Variants in ZSCAN5A observed in about 807,000 individuals in gnomAD.
ZSCAN5A encodes the protein zinc finger and SCAN domain-containing protein 5A.
In ZSCAN5A, 12 loss-of-function variants were observed where a neutral mutation model predicts 23.7. The observed-to-expected ratio is 0.51, with a 90% CI of 0.32 to 0.82. The LOEUF is 0.82. Among genes scored for constraint, ZSCAN5A ranks in the 40% least tolerant of loss-of-function variants. The probability of loss-of-function intolerance (pLI) is 0.03; values close to 1 mark genes in which losing one functional copy is unlikely to be tolerated. For synonymous variants in ZSCAN5A, 257 were observed against 239.9 expected (o/e 1.07, Z -0.66); for missense variants, 597 against 617.9 (o/e 0.97, Z 0.36).
chr19:56,238,141 G>GAC, intron 2 of ZSCAN5A, among the ~76,000 whole-genome samples: 1 of 80,470 alleles, frequency 1.2e-5, no homozygotes, highest in South Asian at 4.0e-4. Flanking sequence ...CACACACATG[G>GAC]ACATACACAC....
At chr19:56,359,609 CAG>C (rs2041720967) in intron 2 of ZSCAN5A, among the ~76,000 whole-genome samples, 1 of 152,162 alleles carries the variant, frequency 6.6e-6, no homozygotes, top group African/African-American at 2.4e-5. Context: ...CCAAACCTGG[CAG>C]AGATATACAA....
intron 2 of ZSCAN5A, among the ~76,000 whole-genome samples, chr19:56,345,048 TGAGCA>T (rs2147453265): frequency 6.6e-6 from 1 of 151,392 alleles, no homozygotes; most frequent in East Asian, 1.9e-4. Context: ...GAGCTTGCAC[TGAGCA>T]GAGAACACGC....
In ZSCAN5A at chr19:56,221,501, T is replaced by C. The variant is rs1298706929; in HGVS notation, c.*74A>G. On this transcript the variant is annotated 3_prime_UTR_variant, in exon 6 of 6. Transcript: ENST00000683990. ...GTCAGACGCCCTTGCATGTGTCAAA[T>C]GTCATCTGATAACATTGATGAAAAA... 1 of 1,513,220 alleles carries C rather than the reference T, an allele frequency of 6.6e-7. No individual in the cohort carries two copies. The highest frequency in any genetic ancestry group is 2.2e-5 in the Admixed American group (1 of 44,762). The allele number at this position is 1,513,220 out of a possible 1,614,324, so 93.7% of individuals were successfully genotyped here. A position where few individuals can be genotyped will look rare whatever the true frequency, so the allele number is the denominator to read the frequency against.
intron 2 of ZSCAN5A, among the ~76,000 whole-genome samples, chr19:56,242,783 CTCT>C (rs1356146797): frequency 2.4e-4 from 24 of 99,498 alleles, no homozygotes; most frequent in Non-Finnish European, 3.2e-4. Flanking sequence ...CTTTCTTTCT[CTCT>C]TTTTTTTTTG....
At position 56,221,521 on chromosome 19, in the gene ZSCAN5A, G is replaced by A; in HGVS notation, c.*54C>T. On this transcript the variant is annotated 3_prime_UTR_variant, in exon 6 of 6. Transcript: ENST00000683990. ...TCAAATGTCATCTGATAACATTGAT[G>A]AAAAATATCATTCACTTCTTCTTGG... 1 of 1,524,072 alleles carries A rather than the reference G, an allele frequency of 6.6e-7. No homozygotes were observed. Among genetic ancestry groups the A allele is most frequent in the Non-Finnish European group, 8.8e-7 (1 of 1,137,726 alleles). 94.4% of individuals were successfully genotyped at this position (1,524,072 alleles called of 1,614,324 possible). A position where few individuals can be genotyped will look rare whatever the true frequency, so the allele number is the denominator to read the frequency against.
At chr19:56,252,134 G>T (rs986410098) in intron 2 of ZSCAN5A, among the ~76,000 whole-genome samples, 1 of 152,158 alleles carries the variant, frequency 6.6e-6, no homozygotes, top group Non-Finnish European at 1.5e-5. Context: ...AGCACAATTG[G>T]GTTTACCTAA....
intron 2 of ZSCAN5A, among the ~76,000 whole-genome samples, chr19:56,239,364 T>C (rs554759436): frequency 6.6e-6 from 1 of 152,228 alleles, no homozygotes; most frequent in East Asian, 1.9e-4. Flanking sequence ...AATCTAATCA[T>C]GACACTCAGT....
chr19:56,260,328 C>T (rs2037035708), intron 2 of ZSCAN5A, among the ~76,000 whole-genome samples: 1 of 151,022 alleles, frequency 6.6e-6, no homozygotes, highest in African/African-American at 2.4e-5. Flanking sequence ...AATTCTCCTG[C>T]CTTAGCCTTC....
At chr19:56,247,378 TCCGGAGAGAAACCC>T in intron 2 of ZSCAN5A, 1 of 208,884 alleles carries the variant, frequency 4.8e-6, no homozygotes, top group Non-Finnish European at 1.0e-5. Context: ...GCTCATCCAC[TCCGGAGAGAAACCC>T]TATAAATGTC....
chr19:56,300,682 G>A (rs977013420), intron 2 of ZSCAN5A, among the ~76,000 whole-genome samples: 8 of 152,132 alleles, frequency 5.3e-5, no homozygotes, highest in East Asian at 1.9e-4. Context: ...AGGAGTAATC[G>A]CTTCCTGAAT....
At chr19:56,302,172 G>A in intron 2 of ZSCAN5A, 1 of 1,104,462 alleles carries the variant, frequency 9.1e-7, no homozygotes, top group South Asian at 4.6e-5. Context: ...CACAGAGGAA[G>A]CGAAGGAGGG....
rs114614147 is a variant in ZSCAN5A, at chr19:56,305,339, A to C, written c.-128+7944T>G. The stretch of plus-strand genomic sequence containing the variant: ...TTTCATACACATGGAATCATACACT[A>C]CGTGGCCCTTTGCATCTGGGTTTAT... On this transcript the variant is annotated intron_variant, in intron 2 of 5. Transcript: ENST00000683990. 5.3e-3 allele frequency among the ~76,000 whole-genome samples: 803 copies of C among 152,248 alleles called. 7 individuals are homozygous for C. The highest frequency in any genetic ancestry group is 0.018 in the African/African-American group (757 of 41,548).
chr19:56,328,448 AG>A (rs1202573006), intron 2 of ZSCAN5A, among the ~76,000 whole-genome samples: 5 of 150,260 alleles, frequency 3.3e-5, no homozygotes, highest in African/African-American at 7.3e-5. Flanking sequence ...GTTTGAGACC[AG>A]CCTGACCAAC....
intron 2 of ZSCAN5A, among the ~76,000 whole-genome samples, chr19:56,328,424 T>A (rs550267503): frequency 6.6e-6 from 1 of 151,128 alleles, no homozygotes; most frequent in African/African-American, 2.4e-5. Context: ...GGCAGGTGGA[T>A]CACGAAGTCA....
chr19:56,340,811 G>C (rs964064352), intron 2 of ZSCAN5A: 3 of 152,206 alleles, frequency 2.0e-5, no homozygotes, highest in African/African-American at 7.2e-5. Flanking sequence ...GAAAGACTTT[G>C]TGCTTGAGAG....
intron 2 of ZSCAN5A, among the ~76,000 whole-genome samples, chr19:56,299,076 C>A (rs1191036224): frequency 1.3e-5 from 2 of 152,056 alleles, no homozygotes; most frequent in Non-Finnish European, 2.9e-5. Flanking sequence ...TAAAAGAAAA[C>A]AAGCACATTA....
chr19:56,287,062 C>A (rs892654405), intron 2 of ZSCAN5A, among the ~76,000 whole-genome samples: 3 of 152,182 alleles, frequency 2.0e-5, no homozygotes, highest in Non-Finnish European at 4.4e-5. Flanking sequence ...TGACTCCTTC[C>A]CACCCCCACC....
At chr19:56,304,519 G>A (rs2040557472) in intron 2 of ZSCAN5A, among the ~76,000 whole-genome samples, 1 of 152,190 alleles carries the variant, frequency 6.6e-6, no homozygotes, top group South Asian at 2.1e-4. Flanking sequence ...AAAACGTCAG[G>A]AACCTGAGGC....
At chr19:56,240,884 T>G (rs1430532551) in intron 2 of ZSCAN5A, among the ~76,000 whole-genome samples, 1 of 152,166 alleles carries the variant, frequency 6.6e-6, no homozygotes, top group African/African-American at 2.4e-5. Flanking sequence ...TACATTTTAT[T>G]TTTTTGTAGA....
Sources: gnomAD v4.1 joint callset for allele counts (sites outside exome capture counted in the v4.1 genomes callset) on GRCh38, gnomAD v4.1.1 for gene constraint, MANE v1.5 for transcripts, NCBI Gene and HGNC (gene_info 2026-07-23, HGNC 2026-07-21) for gene names.